The following ATP10B variants were observed in gnomAD, a reference collection of about 807,000 sequenced individuals.
The protein encoded by ATP10B is phospholipid-transporting ATPase VB.
A neutral mutation model predicts 141.2 loss-of-function variants in ATP10B; 122 were observed. The observed-to-expected ratio is 0.86, with a 90% confidence interval of 0.75 to 1.00. The LOEUF (loss-of-function observed/expected upper bound fraction) is 1.00. Among genes scored for constraint, ATP10B ranks in the 50% least tolerant of loss-of-function variants. ATP10B has a pLI of 0.00. For synonymous variants in ATP10B, 685 were observed against 692.0 expected, an observed-to-expected ratio of 0.99 and a Z score of 0.16; for missense variants, 1,876 against 1,825.3, an observed-to-expected ratio of 1.03 and a Z score of -0.51.
chr5:160,602,316 T>A (rs1393407411), intron 21 of ATP10B, among the ~76,000 whole-genome samples: 1 of 152,234 alleles, frequency 6.6e-6, no homozygotes, highest in Non-Finnish European at 1.5e-5. Context: ...AGTCTACACT[T>A]GCAGCTATTC....
intron 3 of ATP10B, among the ~76,000 whole-genome samples, chr5:160,700,555 T>C (rs927623290): frequency 6.6e-6 from 1 of 152,224 alleles, no homozygotes; most frequent in African/African-American, 2.4e-5. Context: ...AATTGCTAAG[T>C]AGCTGCTTCT....
At chr5:160,891,048 T>G in the ATP10B span, among the ~76,000 whole-genome samples, 1 of 152,174 alleles carries the variant, frequency 6.6e-6, no homozygotes, top group African/African-American at 2.4e-5. Context: ...TAACTGTTTT[T>G]AATTCTTTTG....
At chr5:160,682,712 A>G (rs1386842150) in intron 6 of ATP10B, among the ~76,000 whole-genome samples, 3 of 152,140 alleles carry the variant, frequency 2.0e-5, no homozygotes, top group Admixed American at 6.6e-5. Flanking sequence ...GGTGGAAAAC[A>G]AAAAGTGACG....
At position 160,686,264 on chromosome 5, in the gene ATP10B, G is replaced by A. The variant is rs774734525; in HGVS notation, c.285C>T (p.Asn95=). ...NLFEQFHRWA[N]LYFLFLVILN... is the part of the protein sequence containing the mutation. ...AAATCACCAGGAACAGGAAATAGAG[G>A]TTAGCCCATCTGGAGGGGCAAGCGA... is the stretch of plus-strand genomic sequence containing the variant. Residue 95 remains asparagine (N), a synonymous_variant, in exon 6 of 26, where the codon AAC becomes AAT. Coordinates refer to ENST00000327245, the MANE Select transcript of ATP10B (RefSeq NM_025153.3). 8 of 1,587,106 alleles carry A rather than the reference G, an allele frequency of 5.0e-6. No individual in the cohort carries two copies. Among genetic ancestry groups the A allele is most frequent in the African/African-American group, 1.3e-5 (1 of 74,266 alleles).
At chr5:160,838,868 A>T (rs989427082) in intron 1 of ATP10B, among the ~76,000 whole-genome samples, 1 of 152,170 alleles carries the variant, frequency 6.6e-6, no homozygotes, top group Non-Finnish European at 1.5e-5. Context: ...TGGATCCCTC[A>T]TGAGTGGTTT....
the ATP10B span, among the ~76,000 whole-genome samples, chr5:160,870,851 T>A: frequency 6.6e-6 from 1 of 152,108 alleles, no homozygotes; most frequent in Non-Finnish European, 1.5e-5. Context: ...AAAAACACCA[T>A]ACTGTAGGTA....
intron 1 of ATP10B, among the ~76,000 whole-genome samples, chr5:160,824,113 C>G (rs2127966681): frequency 6.6e-6 from 1 of 152,090 alleles, no homozygotes; most frequent in South Asian, 2.1e-4. Flanking sequence ...GCTCCGCCTC[C>G]TGGGTTCACA....
chr5:160,804,678 G>A (rs181895650), intron 1 of ATP10B, among the ~76,000 whole-genome samples: 2 of 152,212 alleles, frequency 1.3e-5, no homozygotes, highest in African/African-American at 4.8e-5. Flanking sequence ...ATCACAGTGG[G>A]GACTGTGAGC....
chr5:160,856,332 G>C (rs1419561606), upstream of ATP10B, among the ~76,000 whole-genome samples: 1 of 151,720 alleles, frequency 6.6e-6, no homozygotes, highest in Non-Finnish European at 1.5e-5. Flanking sequence ...TACCAAAATA[G>C]AATAAATTTC....
At chr5:160,746,734 T>C (rs528453285) in intron 2 of ATP10B, among the ~76,000 whole-genome samples, 99 of 152,214 alleles carry the variant, frequency 6.5e-4, no homozygotes, top group Non-Finnish European at 1.3e-3. Flanking sequence ...TAAACTAATA[T>C]GTAAGCATAT....
At chr5:160,849,192 T>G (rs1753640536) in intron 1 of ATP10B, among the ~76,000 whole-genome samples, 2 of 152,150 alleles carry the variant, frequency 1.3e-5, no homozygotes, top group Admixed American at 6.5e-5. Context: ...GATTTCACCA[T>G]CAATCTTGCT....
At chr5:160,704,273 T>C (rs1311154896) in intron 3 of ATP10B, among the ~76,000 whole-genome samples, 2 of 152,090 alleles carry the variant, frequency 1.3e-5, no homozygotes, top group African/African-American at 4.8e-5. Context: ...CCTAGACTGA[T>C]CTTGAACTCC....
At chr5:160,621,429 C>T (rs1398020754) in intron 14 of ATP10B, among the ~76,000 whole-genome samples, 1 of 151,976 alleles carries the variant, frequency 6.6e-6, no homozygotes, top group African/African-American at 2.4e-5. Context: ...CCAGCTGAAG[C>T]TCCCAGCCAG....
chr5:160,802,810 G>T (rs955198188), intron 1 of ATP10B, among the ~76,000 whole-genome samples: 2 of 152,194 alleles, frequency 1.3e-5, no homozygotes, highest in Non-Finnish European at 2.9e-5. Context: ...GTATCAGAGT[G>T]TGTGTGGGGA....
Position 160,640,589 on chromosome 5 carries a change from T to C in ATP10B, c.872A>G (p.His291Arg), listed in dbSNP as rs890532172. The change falls in exon 10 of 26, where the codon CAT becomes CGT. Residue 291 changes from histidine (H) to arginine (R), a missense_variant. His to Arg is a conservative substitution (Grantham distance 29). Transcript: ENST00000327245. ...GTTGTTCAGCATGGCTTTCGTCTCA[T>C]GGCCTTTGAGAGAAAATGAGGAAAT... ...MAVGIVIYAG[H>R]ETKAMLNNSG... is the part of the protein sequence containing the mutation. 2 of 1,613,912 alleles carry C rather than the reference T, an allele frequency of 1.2e-6. No homozygotes were observed. The highest frequency in any genetic ancestry group is 1.7e-6 in the Non-Finnish European group (2 of 1,179,914).
At position 160,701,918 on chromosome 5, in the gene ATP10B, G is replaced by C. The variant is rs140390033; in HGVS notation, c.-204-12975C>G. On this transcript the variant is annotated intron_variant, in intron 3 of 25. Coordinates refer to ENST00000327245, the MANE Select transcript of ATP10B (RefSeq NM_025153.3). ...TCATCATTCTATTCCAATGCCTCCC[G>C]GGAGCAGTCACCCCTCTCCCGAGGG... Among the ~76,000 whole-genome samples the C allele has an allele frequency of 3.2e-3, 479 of 150,806 alleles. 2 individuals are homozygous for C. Among genetic ancestry groups the C allele is most frequent in the African/African-American group, 0.011 (456 of 41,020 alleles).
chr5:160,904,917 T>A, the ATP10B span, among the ~76,000 whole-genome samples: 1 of 152,312 alleles, frequency 6.6e-6, no homozygotes, highest in East Asian at 1.9e-4. Context: ...TGGAGAATAT[T>A]GAAACAAACT....
At chr5:160,894,019 A>G in the ATP10B span, among the ~76,000 whole-genome samples, 5 of 152,234 alleles carry the variant, frequency 3.3e-5, no homozygotes, top group Non-Finnish European at 5.9e-5. Context: ...AAGGACGTCC[A>G]CACAAAAACC....
the ATP10B span, among the ~76,000 whole-genome samples, chr5:160,890,362 A>G: frequency 1.3e-5 from 2 of 152,170 alleles, no homozygotes. Context: ...TACATTTTCA[A>G]TGTTGTGAAA....
Sources: gnomAD v4.1 joint callset for allele counts (sites outside exome capture counted in the v4.1 genomes callset) on GRCh38, gnomAD v4.1.1 for gene constraint, MANE v1.5 for transcripts, NCBI Gene and HGNC (gene_info 2026-07-23, HGNC 2026-07-21) for gene names.